Variants in EIF3H observed in about 807,000 individuals in gnomAD.
The protein encoded by EIF3H is eukaryotic translation initiation factor 3 subunit H, also known as eIF-3-gamma.
In EIF3H, 26 loss-of-function variants were observed where a neutral mutation model predicts 44.2. That is an observed-to-expected ratio of 0.59 (90% CI 0.43 to 0.82). The LOEUF is 0.82. EIF3H is among the 40% of genes least tolerant of loss of function. The pLI is 0.00. For missense variants in EIF3H, 359 were observed against 432.8 expected, an observed-to-expected ratio of 0.83 and a Z score of 1.51; for synonymous variants, 166 against 151.9, an observed-to-expected ratio of 1.09 and a Z score of -0.68.
chr8:116,741,669 C>G (rs1027635521), intron 1 of EIF3H, among the ~76,000 whole-genome samples: 1 of 152,230 alleles, frequency 6.6e-6, no homozygotes, highest in African/African-American at 2.4e-5. Context: ...GCCTGAATTT[C>G]TCACATCAAT....
chr8:116,681,397 G>C (rs539958374), intron 2 of EIF3H, among the ~76,000 whole-genome samples: 7 of 151,948 alleles, frequency 4.6e-5, no homozygotes, highest in Non-Finnish European at 8.8e-5. Context: ...ACCGGGCACA[G>C]TGGCTCATGC....
chr8:116,643,390 T>C lies in EIF3H; in HGVS notation c.*1616A>G, dbSNP rs954136736. On this transcript the variant is annotated 3_prime_UTR_variant, in exon 8 of 8. Transcript: ENST00000521861. Reference sequence around the variant, plus strand: ...ATTATCCTAAAGAAATAATTATATATGTGAGCAAGTACTTGGATTCTAGAA... The same window carrying C: ...ATTATCCTAAAGAAATAATTATATACGTGAGCAAGTACTTGGATTCTAGAA... 2.0e-5 allele frequency: 3 copies of C among 152,246 alleles called. No homozygotes were observed. The highest frequency in any genetic ancestry group is 4.8e-5 in the African/African-American group (2 of 41,460). 9.4% of individuals were successfully genotyped at this position (152,246 alleles called of 1,614,324 possible).
At chr8:116,760,032 G>A (rs1278420440), upstream of EIF3H, among the ~76,000 whole-genome samples, 1 of 152,176 alleles carries the variant, frequency 6.6e-6, no homozygotes, top group Non-Finnish European at 1.5e-5. Context: ...TGCTCAGCCT[G>A]CCAATTTAAA....
chr8:116,732,747 AAATC>A (rs570197312), intron 1 of EIF3H, among the ~76,000 whole-genome samples: 5 of 152,194 alleles, frequency 3.3e-5, no homozygotes, highest in Non-Finnish European at 7.3e-5. Context: ...ATATGAAACT[AAATC>A]AAACACATAG....
At chr8:116,710,988 A>AAT (rs1814565101) in intron 2 of EIF3H, among the ~76,000 whole-genome samples, 3 of 152,280 alleles carry the variant, frequency 2.0e-5, no homozygotes, top group East Asian at 3.9e-4. Context: ...ATACATAAGA[A>AAT]ATATATATAT....
At chr8:116,741,663 G>A (rs566478050) in intron 1 of EIF3H, among the ~76,000 whole-genome samples, 155 of 152,332 alleles carry the variant, frequency 1.0e-3, no homozygotes, top group Non-Finnish European at 1.7e-3. Flanking sequence ...CCCACAGCCT[G>A]AATTTCTCAC....
At chr8:116,726,818 AAAGAT>A (rs1814849462) in intron 1 of EIF3H, among the ~76,000 whole-genome samples, 1 of 152,238 alleles carries the variant, frequency 6.6e-6, no homozygotes, top group African/African-American at 2.4e-5. Flanking sequence ...ATATTCCCAT[AAAGAT>A]AAGAGGTAAC....
chr8:116,726,281 TTAAA>T lies in EIF3H; in HGVS notation c.133-113_133-110del, dbSNP rs1407878417. On this transcript the variant is annotated intron_variant, in intron 1 of 7. Transcript: ENST00000521861. ...TGTACTAGGTTTGCAAAACCACAAATTAAATAAGAGGAATAAATAAATGTCTTAC... is the reference window on the plus strand; with the variant it reads ...TGTACTAGGTTTGCAAAACCACAAATTAAGAGGAATAAATAAATGTCTTAC... 2.2e-5 allele frequency: 26 copies of T among 1,174,964 alleles called. No homozygotes were observed. The African/African-American group carries it at 3.7e-4, about 17-fold the overall frequency. 72.8% of individuals were successfully genotyped at this position (1,174,964 alleles called of 1,614,324 possible).
At chr8:116,703,366 T>A (rs55959634) in intron 2 of EIF3H, among the ~76,000 whole-genome samples, 26,102 of 151,850 alleles carry the variant, frequency 0.17, 3,365 homozygotes, top group African/African-American at 0.36. Context: ...GGAGTCTCCC[T>A]TTCCCCGGGG....
intron 2 of EIF3H, among the ~76,000 whole-genome samples, chr8:116,712,997 T>C (rs1433217127): frequency 1.3e-5 from 2 of 152,176 alleles, no homozygotes; most frequent in African/African-American, 4.8e-5. Context: ...TTACATACTG[T>C]AATTGTGACT....
At chr8:116,746,393 G>T (rs1190293547) in intron 1 of EIF3H, among the ~76,000 whole-genome samples, 5 of 152,104 alleles carry the variant, frequency 3.3e-5, no homozygotes, top group Non-Finnish European at 5.9e-5. Flanking sequence ...GATAATGATG[G>T]TTCCTATATC....
chr8:116,766,371 G>A (rs754708875), upstream of EIF3H: 70 of 431,590 alleles, frequency 1.6e-4, no homozygotes, highest in Non-Finnish European at 2.1e-4. Context: ...TCCAGCGTAC[G>A]CACAAGTTCC....
chr8:116,745,548 G>C (rs1194506159), intron 1 of EIF3H, among the ~76,000 whole-genome samples: 1 of 152,194 alleles, frequency 6.6e-6, no homozygotes, highest in Non-Finnish European at 1.5e-5. Flanking sequence ...AAATGGCAAT[G>C]AATTTCAATA....
At chr8:116,734,940 C>T (rs940735411) in intron 1 of EIF3H, among the ~76,000 whole-genome samples, 1 of 152,124 alleles carries the variant, frequency 6.6e-6, no homozygotes, top group Non-Finnish European at 1.5e-5. Flanking sequence ...AATTATAAAA[C>T]ACAATATACT....
At chr8:116,687,246 C>T (rs538843067) in intron 2 of EIF3H, among the ~76,000 whole-genome samples, 1 of 152,188 alleles carries the variant, frequency 6.6e-6, no homozygotes, top group Non-Finnish European at 1.5e-5. Context: ...TTAAAAGGGG[C>T]TCATGGAAAA....
chr8:116,734,010 A>C (rs1814991836), intron 1 of EIF3H, among the ~76,000 whole-genome samples: 1 of 152,210 alleles, frequency 6.6e-6, no homozygotes, highest in South Asian at 2.1e-4. Flanking sequence ...TCTTGCAGTC[A>C]ATCCTTTATG....
intron 1 of EIF3H, among the ~76,000 whole-genome samples, chr8:116,764,817 C>G (rs1286084497): frequency 6.6e-6 from 1 of 152,174 alleles, no homozygotes; most frequent in Non-Finnish European, 1.5e-5. Flanking sequence ...CCATGCCCGG[C>G]CGAAAACTTT....
At chr8:116,757,723 A>ATT (rs749047527), upstream of EIF3H, among the ~76,000 whole-genome samples, 198 of 144,170 alleles carry the variant, frequency 1.4e-3, no homozygotes, top group African/African-American at 4.6e-3. Context: ...AGTTATGTTA[A>ATT]TTTTTTTTTT....
intron 1 of EIF3H, among the ~76,000 whole-genome samples, chr8:116,727,446 G>A (rs558824484): frequency 3.3e-5 from 5 of 152,322 alleles, no homozygotes; most frequent in East Asian, 1.9e-4. Context: ...CTCTGATGAC[G>A]CCAGAGATAA....
Sources: gnomAD v4.1 joint callset for allele counts (sites outside exome capture counted in the v4.1 genomes callset) on GRCh38, gnomAD v4.1.1 for gene constraint, MANE v1.5 for transcripts, NCBI Gene and HGNC (gene_info 2026-07-23, HGNC 2026-07-21) for gene names.